Variants in CNTNAP4 observed in about 807,000 individuals in gnomAD.
The protein encoded by CNTNAP4 is contactin associated protein family member 4.
Under a neutral mutation model 148.4 loss-of-function variants are expected in CNTNAP4, and 98 were observed. The observed-to-expected ratio is 0.66, with a 90% CI of 0.56 to 0.78. The LOEUF (loss-of-function observed/expected upper bound fraction) is 0.78. Ranked by LOEUF, CNTNAP4 falls within the 30% of genes least tolerant of loss-of-function variation. The pLI is 0.00. For missense variants in CNTNAP4, 1,935 were observed against 1,565.6 expected, an observed-to-expected ratio of 1.24 and a Z score of -3.98; for synonymous variants, 730 against 565.1, an observed-to-expected ratio of 1.29 and a Z score of -4.14.
intron 2 of CNTNAP4, among the ~76,000 whole-genome samples, chr16:76,340,091 G>T (rs759983319): frequency 6.6e-6 from 1 of 152,102 alleles, no homozygotes; most frequent in Non-Finnish European, 1.5e-5. Flanking sequence ...GATTGGGCTT[G>T]TGTTACATGC....
intron 15 of CNTNAP4, among the ~76,000 whole-genome samples, chr16:76,504,602 A>G (rs2082773066): frequency 6.6e-6 from 1 of 152,138 alleles, no homozygotes; most frequent in South Asian, 2.1e-4. Flanking sequence ...TTCATAGAAT[A>G]AAAATAATAA....
intron 3 of CNTNAP4, among the ~76,000 whole-genome samples, chr16:76,407,429 C>T (rs765299382): frequency 6.6e-6 from 1 of 151,726 alleles, no homozygotes; most frequent in African/African-American, 2.4e-5. Context: ...CAGTCACCAT[C>T]CTAGATGCTA....
intron 4 of CNTNAP4, among the ~76,000 whole-genome samples, chr16:76,429,104 A>C (rs951923287): frequency 6.6e-6 from 1 of 152,196 alleles, no homozygotes; most frequent in Admixed American, 6.6e-5. Context: ...GTCCGCCTTA[A>C]TTGCAGGCTT....
chr16:76,452,914 A>T, intron 8 of CNTNAP4, 145 bp downstream of exon 8: 1 of 756,482 alleles, frequency 1.3e-6, no homozygotes. Context: ...ACTCTTCCTT[A>T]GAGGAACTTG....
chr16:76,408,351 C>CTTAACAATTAACAGTTGTTAATCTA (rs59402374), intron 3 of CNTNAP4, among the ~76,000 whole-genome samples: 7,518 of 148,212 alleles, frequency 0.051, 820 homozygotes, highest in African/African-American at 0.18. Context: ...TAAGCTATTG[C>CTTAACAATTAACAGTTGTTAATCTA]TTAACAATTA....
chr16:76,338,006 A>C (rs920285273), intron 2 of CNTNAP4, among the ~76,000 whole-genome samples: 6 of 152,202 alleles, frequency 3.9e-5, no homozygotes, highest in Non-Finnish European at 8.8e-5. Context: ...CATGTTTTAC[A>C]AACAGTTTGT....
chr16:76,340,401 T>C (rs1023153381), intron 2 of CNTNAP4, among the ~76,000 whole-genome samples: 1 of 152,150 alleles, frequency 6.6e-6, no homozygotes. Context: ...GTGGCTCAGG[T>C]TTCCTGTTGC....
chr16:76,353,645 A>T (rs2012157829), intron 2 of CNTNAP4, among the ~76,000 whole-genome samples: 1 of 151,984 alleles, frequency 6.6e-6, no homozygotes, highest in Non-Finnish European at 1.5e-5. Context: ...AAGCCTAGCT[A>T]GCTAGCCCTA....
At chr16:76,466,873 A>G (rs1274388202) in intron 9 of CNTNAP4, among the ~76,000 whole-genome samples, 1 of 152,150 alleles carries the variant, frequency 6.6e-6, no homozygotes, top group African/African-American at 2.4e-5. Context: ...TGGTAATTTT[A>G]TTCCAAGCCA....
At chr16:76,515,129 G>T (rs1597794663) in intron 15 of CNTNAP4, among the ~76,000 whole-genome samples, 1 of 152,132 alleles carries the variant, frequency 6.6e-6, no homozygotes, top group East Asian at 1.9e-4. Context: ...GTGAAAGCTT[G>T]CATGAAGAGG....
intron 2 of CNTNAP4, among the ~76,000 whole-genome samples, chr16:76,331,799 G>T (rs1293141856): frequency 6.6e-6 from 1 of 152,138 alleles, no homozygotes; most frequent in Non-Finnish European, 1.5e-5. Context: ...TTGTGTTTAT[G>T]TAGTTTCCAT....
intron 1 of CNTNAP4, among the ~76,000 whole-genome samples, chr16:76,301,255 C>T (rs573665755): frequency 6.6e-6 from 1 of 152,098 alleles, no homozygotes; most frequent in African/African-American, 2.4e-5. Context: ...CAAATGGTGG[C>T]TACTTGTAAA....
chr16:76,451,761 A>T (rs2080490777), intron 7 of CNTNAP4, among the ~76,000 whole-genome samples: 2 of 152,030 alleles, frequency 1.3e-5, no homozygotes, highest in Admixed American at 1.3e-4. Flanking sequence ...CTGCAGGTTA[A>T]TGGGTACAAA....
At chr16:76,504,528 A>G (rs1419554493) in intron 15 of CNTNAP4, among the ~76,000 whole-genome samples, 1 of 152,174 alleles carries the variant, frequency 6.6e-6, no homozygotes. Context: ...AAGAAAATAC[A>G]AGGGAAAATC....
chr16:76,411,550 T>C (rs1309707705), intron 3 of CNTNAP4, among the ~76,000 whole-genome samples: 1 of 151,400 alleles, frequency 6.6e-6, no homozygotes, highest in Admixed American at 6.6e-5. Context: ...CTCTTTATGG[T>C]ATAATGCATG....
At chr16:76,289,882 T>A (rs1015023648) in intron 1 of CNTNAP4, among the ~76,000 whole-genome samples, 4 of 152,168 alleles carry the variant, frequency 2.6e-5, no homozygotes, top group African/African-American at 9.7e-5. Context: ...TATTTTCCTC[T>A]CTTAATTGCA....
At chr16:76,515,996 G>A (rs1469918726) in intron 15 of CNTNAP4, among the ~76,000 whole-genome samples, 3 of 152,140 alleles carry the variant, frequency 2.0e-5, no homozygotes, top group African/African-American at 7.2e-5. Flanking sequence ...ACATAGGTGT[G>A]TATGTGCCAC....
At chr16:76,548,423 T>A (rs938953714) in intron 21 of CNTNAP4, among the ~76,000 whole-genome samples, 11 of 151,898 alleles carry the variant, frequency 7.2e-5, no homozygotes, top group African/African-American at 2.4e-4. Flanking sequence ...AGTTTTTATT[T>A]TTTTGCTTAC....
intron 15 of CNTNAP4, among the ~76,000 whole-genome samples, chr16:76,520,691 AGT>A (rs1245449891): frequency 1.3e-5 from 2 of 152,128 alleles, no homozygotes; most frequent in South Asian, 2.1e-4. Context: ...AACTCTGTGA[AGT>A]GTGTGTGTTA....
Sources: allele counts gnomAD v4.1 joint callset (sites outside exome capture counted in the v4.1 genomes callset), GRCh38; gene constraint gnomAD v4.1.1; transcripts MANE v1.5; gene names NCBI Gene and HGNC (gene_info 2026-07-23, HGNC 2026-07-21).